THADA: variants seen among roughly 807,000 people sequenced by gnomAD.
THADA encodes tRNA (32-2'-O)-methyltransferase regulator THADA.
THADA carries 213 observed loss-of-function variants against 219.8 expected under a neutral mutation model. That is an observed-to-expected ratio of 0.97 (90% CI 0.87 to 1.09). The LOEUF is 1.09. THADA is among the 50% of genes least tolerant of loss of function. THADA has a pLI of 0.00. For missense variants in THADA, 2,956 were observed against 2,311.3 expected (o/e 1.28, Z -5.72); for synonymous variants, 1,018 against 828.9 (o/e 1.23, Z -3.92).
intron 20 of THADA, among the ~76,000 whole-genome samples, chr2:43,543,772 C>T (rs1574174193): frequency 6.6e-6 from 1 of 152,014 alleles, no homozygotes; most frequent in Non-Finnish European, 1.5e-5. Context: ...TGCATATTAG[C>T]CCTTTGTCAG....
At chr2:43,562,911 GA>G (rs1698240072) in intron 15 of THADA, 1 of 152,124 alleles carries the variant, frequency 6.6e-6, no homozygotes, top group Non-Finnish European at 1.5e-5. Context: ...AAACTTAATA[GA>G]AATGTTCCTA....
At chr2:43,508,590 A>C in intron 23 of THADA, 58 bp downstream of exon 23, 1 of 1,565,358 alleles carries the variant, frequency 6.4e-7, no homozygotes, top group Non-Finnish European at 8.7e-7. Context: ...ACAGGTTAGG[A>C]TACACTATCA....
At chr2:43,547,558 T>C (rs1030760391) in intron 20 of THADA, among the ~76,000 whole-genome samples, 64 of 152,306 alleles carry the variant, frequency 4.2e-4, no homozygotes, top group Non-Finnish European at 5.4e-4. Context: ...GGAGGCTTTG[T>C]TCATTTCTTT....
intron 26 of THADA, among the ~76,000 whole-genome samples, chr2:43,438,837 C>A (rs1233972153): frequency 6.6e-6 from 1 of 151,970 alleles, no homozygotes; most frequent in Non-Finnish European, 1.5e-5. Context: ...ATAAATTAGG[C>A]AAAGTAAGAG....
At chr2:43,534,546 C>T (rs1029768123) in intron 21 of THADA, among the ~76,000 whole-genome samples, 4 of 152,144 alleles carry the variant, frequency 2.6e-5, no homozygotes, top group African/African-American at 9.7e-5. Flanking sequence ...TCAACTTCCA[C>T]ATGTGTGAGA....
intron 28 of THADA, 37 bp from the exon 29 acceptor site, chr2:43,398,176 C>T (rs763047962): frequency 1.3e-5 from 21 of 1,595,208 alleles, no homozygotes; most frequent in East Asian, 2.2e-5. Context: ...ATTCAATAGT[C>T]ATCTCCACAT....
chr2:43,428,473 C>T (rs937234584), intron 27 of THADA, among the ~76,000 whole-genome samples: 9 of 152,090 alleles, frequency 5.9e-5, no homozygotes, highest in Admixed American at 1.3e-4. Context: ...GATGTGGTGG[C>T]GCATGCCTGT....
chr2:43,462,905 T>G (rs1386874955), intron 26 of THADA: 1 of 152,208 alleles, frequency 6.6e-6, no homozygotes, highest in Non-Finnish European at 1.5e-5. Flanking sequence ...GACATGTGGT[T>G]AACATTTCCT....
intron 28 of THADA, among the ~76,000 whole-genome samples, chr2:43,422,454 G>A (rs955433465): frequency 6.6e-6 from 1 of 152,114 alleles, no homozygotes; most frequent in Non-Finnish European, 1.5e-5. Context: ...ATAATAAGGA[G>A]AATAATGTGG....
intron 36 of THADA, among the ~76,000 whole-genome samples, chr2:43,275,766 T>C (rs766726271): frequency 6.6e-6 from 1 of 152,258 alleles, no homozygotes; most frequent in Non-Finnish European, 1.5e-5. Flanking sequence ...CTTCTCTTCC[T>C]CTGAAGGCAG....
intron 17 of THADA, 94 bp downstream of exon 17, chr2:43,556,251 A>C (rs901671333): frequency 3.9e-6 from 6 of 1,526,000 alleles, no homozygotes; most frequent in Non-Finnish European, 5.3e-6. Flanking sequence ...TAAATAAAAA[A>C]CCACAAAATA....
At chr2:43,343,386 A>T (rs539261759) in intron 30 of THADA, 1 of 152,292 alleles carries the variant, frequency 6.6e-6, no homozygotes, top group Non-Finnish European at 1.5e-5. Flanking sequence ...AAAGGTAGTA[A>T]CACTAACACA....
intron 29 of THADA, among the ~76,000 whole-genome samples, chr2:43,349,834 T>C (rs1489704512): frequency 6.6e-6 from 1 of 152,198 alleles, no homozygotes; most frequent in African/African-American, 2.4e-5. Context: ...AAATGCTATG[T>C]TTTTCCCTTG....
At chr2:43,499,296 A>G (rs1027086531) in intron 24 of THADA, among the ~76,000 whole-genome samples, 1 of 152,248 alleles carries the variant, frequency 6.6e-6, no homozygotes, top group African/African-American at 2.4e-5. Context: ...AAGTCTCAAC[A>G]AATACCAAGT....
intron 36 of THADA, among the ~76,000 whole-genome samples, chr2:43,248,916 T>C (rs377292365): frequency 1.3e-5 from 2 of 152,292 alleles, no homozygotes; most frequent in East Asian, 3.9e-4. Flanking sequence ...CTTCCTGCTT[T>C]ACTTTTTCTT....
At chr2:43,423,236 G>A (rs1677951880) in intron 28 of THADA, among the ~76,000 whole-genome samples, 1 of 152,048 alleles carries the variant, frequency 6.6e-6, no homozygotes, top group Non-Finnish European at 1.5e-5. Flanking sequence ...AATCTAGCTT[G>A]CCTTCATTTT....
At chr2:43,293,238 G>C (rs1292986983) in intron 31 of THADA, 25 bp from the exon 32 acceptor site, 1 of 1,583,198 alleles carries the variant, frequency 6.3e-7, no homozygotes, top group African/African-American at 1.4e-5. Flanking sequence ...AAGCAAAAGG[G>C]AAAGAGATAA....
chr2:43,580,427 A>G (rs1700313283), intron 8 of THADA, among the ~76,000 whole-genome samples: 1 of 152,228 alleles, frequency 6.6e-6, no homozygotes, highest in South Asian at 2.1e-4. Flanking sequence ...TCTTTTAAAA[A>G]GTAAATAACC....
At chr2:43,362,189 C>T (rs7589361) in intron 29 of THADA, among the ~76,000 whole-genome samples, 35,749 of 152,078 alleles carry the variant, frequency 0.24, 4,958 homozygotes, top group African/African-American at 0.38. Context: ...GGAAGCAAAG[C>T]GTCTTTCCTG....
Sources: gnomAD v4.1 joint callset for allele counts (sites outside exome capture counted in the v4.1 genomes callset) on GRCh38, gnomAD v4.1.1 for gene constraint, MANE v1.5 for transcripts, NCBI Gene and HGNC (gene_info 2026-07-23, HGNC 2026-07-21) for gene names.